Variants in PPP1R37 observed in about 807,000 individuals in gnomAD.
PPP1R37 encodes protein phosphatase 1 regulatory subunit 37.
Under a neutral mutation model 61.0 loss-of-function variants are expected in PPP1R37, and 21 were observed. The observed-to-expected ratio is 0.34, with a 90% confidence interval of 0.24 to 0.50. The LOEUF (loss-of-function observed/expected upper bound fraction) is 0.50, where lower values mean the gene tolerates loss of function less well. PPP1R37 is among the 20% of genes least tolerant of loss of function. The probability of loss-of-function intolerance (pLI) is 0.98; values close to 1 mark genes in which losing one functional copy is unlikely to be tolerated. For missense variants in PPP1R37, 910 were observed against 952.7 expected, an observed-to-expected ratio of 0.96 and a Z score of 0.59; for synonymous variants, 443 against 433.5, an observed-to-expected ratio of 1.02 and a Z score of -0.27.
At chr19:45,137,340 C>A (rs546307093) in intron 1 of PPP1R37, among the ~76,000 whole-genome samples, 1 of 152,240 alleles carries the variant, frequency 6.6e-6, no homozygotes, top group Non-Finnish European at 1.5e-5. Context: ...CTGAAACTCA[C>A]GCTCATTATG....
At chr19:45,128,699 T>TGCTTGGAAGACTGGCAAGCACA in intron 1 of PPP1R37, 2 of 1,059,392 alleles carry the variant, frequency 1.9e-6, no homozygotes, top group East Asian at 5.7e-5. Context: ...TTGAGATGTC[T>TGCTTGGAAGACTGGCAAGCACA]GCTTGGAAGA....
intron 4 of PPP1R37, 119 bp from the exon 5 acceptor site, chr19:45,141,203 G>A (rs1040604395): frequency 8.9e-5 from 102 of 1,143,976 alleles, no homozygotes; most frequent in African/African-American, 8.0e-4. Context: ...CTCCTCTCCC[G>A]TGTGGCTCTC....
chr19:45,145,787 GC>G lies in PPP1R37; in HGVS notation c.1734del (p.Glu579ArgfsTer59). 2 of 1,505,082 alleles carry G rather than the reference GC, an allele frequency of 1.3e-6. No individual in the cohort carries two copies. Among genetic ancestry groups the G allele is most frequent in the Non-Finnish European group, 1.8e-6 (2 of 1,130,654 alleles). The allele number at this position is 1,505,082 out of a possible 1,614,324, so 93.2% of individuals were successfully genotyped here. A position where few individuals can be genotyped will look rare whatever the true frequency, so the allele number is the denominator to read the frequency against. On this transcript the variant is annotated frameshift_variant, in exon 11 of 13. Transcript: ENST00000221462. LOFTEE classifies it high-confidence loss of function. ...TTGTGGTGACCCGGGTGGAGAGCCC[GC>G]CCGAGAGGGCAGAGCCCCCTGCGTC... is the stretch of plus-strand genomic sequence containing the variant. ...VFVVTRVESPPERAEPPASPT... is the reference protein window; with the variant it reads ...VFVVTRVESPXERAEPPASPT...
At chr19:45,125,202 C>T (rs1005474655) in intron 1 of PPP1R37, among the ~76,000 whole-genome samples, 3 of 152,204 alleles carry the variant, frequency 2.0e-5, no homozygotes, top group South Asian at 2.1e-4. Flanking sequence ...CAGTGGCTCA[C>T]GTCTGTAATC....
chr19:45,143,720 C>T (rs549530479), intron 8 of PPP1R37, 87 bp downstream of exon 8: 180 of 732,924 alleles, frequency 2.5e-4, no homozygotes, highest in African/African-American at 2.2e-3. Context: ...CTCTAGCTGA[C>T]GGCTCCTGTC....
At chr19:45,118,928 C>A (rs1288525157) in intron 1 of PPP1R37, among the ~76,000 whole-genome samples, 1 of 151,886 alleles carries the variant, frequency 6.6e-6, no homozygotes, top group Non-Finnish European at 1.5e-5. Flanking sequence ...CTCTGGGTTC[C>A]TTGTGGGCCA....
chr19:45,102,236 A>G (rs1968073529), intron 1 of PPP1R37, among the ~76,000 whole-genome samples: 1 of 152,246 alleles, frequency 6.6e-6, no homozygotes, highest in African/African-American at 2.4e-5. Context: ...GATCAGTCTT[A>G]TAAAATCCAG....
intron 1 of PPP1R37, among the ~76,000 whole-genome samples, chr19:45,133,940 G>A (rs778326899): frequency 5.1e-4 from 78 of 152,290 alleles, no homozygotes; most frequent in Admixed American, 1.3e-3. Flanking sequence ...GAAATGCCTC[G>A]GGTAGCATCT....
At chr19:45,125,028 C>T (rs1487539707) in intron 1 of PPP1R37, among the ~76,000 whole-genome samples, 5 of 152,040 alleles carry the variant, frequency 3.3e-5, no homozygotes, top group Admixed American at 2.0e-4. Flanking sequence ...CTCCTAAATT[C>T]GAAGCTTGGA....
chr19:45,110,925 G>T (rs1968191868), intron 1 of PPP1R37, among the ~76,000 whole-genome samples: 1 of 152,206 alleles, frequency 6.6e-6, no homozygotes, highest in Non-Finnish European at 1.5e-5. Flanking sequence ...GAAATAGCCT[G>T]CCTGGTTCTG....
Position 45,130,329 on chromosome 19 carries a change from C to T in PPP1R37, c.203-8185C>T, listed in dbSNP as rs1968460017. On this transcript the variant is annotated intron_variant, in intron 1 of 12. Coordinates refer to ENST00000221462, the MANE Select transcript of PPP1R37 (RefSeq NM_019121.2). The surrounding 1 kb of genome is among the most constrained non-coding windows in gnomAD (Gnocchi z 4.4). Reference sequence around the variant, plus strand: ...AATCCATCCTGTTGCTGCTCTGCCCCTCGCCCCCAGTGGCTCCGGTCTCCT... The same window carrying T: ...AATCCATCCTGTTGCTGCTCTGCCCTTCGCCCCCAGTGGCTCCGGTCTCCT... Among the ~76,000 whole-genome samples, 1 of 152,210 alleles carries T rather than the reference C, an allele frequency of 6.6e-6. No homozygotes were observed. Among genetic ancestry groups the T allele is most frequent in the Non-Finnish European group, 1.5e-5 (1 of 68,030 alleles).
chr19:45,113,989 CG>C (rs1968233227), intron 1 of PPP1R37, among the ~76,000 whole-genome samples: 1 of 152,184 alleles, frequency 6.6e-6, no homozygotes, highest in South Asian at 2.1e-4. Context: ...TCCACTCTCC[CG>C]GGGGCTGCTG....
intron 1 of PPP1R37, among the ~76,000 whole-genome samples, chr19:45,096,713 T>A (rs1290578314): frequency 2.0e-5 from 3 of 151,928 alleles, no homozygotes; most frequent in African/African-American, 7.3e-5. Flanking sequence ...GGTAACACTC[T>A]CCAGGCTGGG....
At position 45,094,724 on chromosome 19, in the gene PPP1R37, G is replaced by A. The variant is rs1300951417; in HGVS notation, c.202+1197G>A. On this transcript the variant is annotated intron_variant, in intron 1 of 12. Coordinates refer to ENST00000221462, the MANE Select transcript of PPP1R37 (RefSeq NM_019121.2). ...GCCTGGGTGACAAGAGCAAAACTCC[G>A]GCTCAAAGAAAAAAAAAAAAAGAAT... Among the ~76,000 whole-genome samples the A allele has an allele frequency of 4.0e-5, 6 of 150,556 alleles. No individual in the cohort carries two copies. In the East Asian group the frequency reaches 7.8e-4, roughly 20 times the overall value.
rs753398675 is a variant in PPP1R37 at position 45,093,378 on chromosome 19, T to C, written c.53T>C (p.Ile18Thr). ...CCCGTGCCGGGCGCGGACGGCGACA[T>C]TGAAGAGGCCCCAGCTGAGGCCGGG... ...APPVPGADGD[I>T]EEAPAEAGSP... is the part of the protein sequence containing the mutation. Residue 18 changes from isoleucine to threonine, a missense_variant, in exon 1 of 13, where the codon ATT (isoleucine) becomes ACT (threonine). By Grantham distance (89) the Ile-to-Thr change is moderately conservative (BLOSUM62 -1). Transcript: ENST00000221462. 3.9e-6 allele frequency: 6 copies of C among 1,521,914 alleles called. No homozygotes were observed. The highest frequency in any genetic ancestry group is 2.8e-5 in the African/African-American group (2 of 71,632). 94.3% of individuals were successfully genotyped at this position (1,521,914 alleles called of 1,614,324 possible).
At chr19:45,102,306 G>A (rs1162843369) in intron 1 of PPP1R37, among the ~76,000 whole-genome samples, 7 of 152,240 alleles carry the variant, frequency 4.6e-5, no homozygotes, top group Non-Finnish European at 7.3e-5. Flanking sequence ...TCTGGAGCCC[G>A]CAGCGGGCCT....
intron 1 of PPP1R37, among the ~76,000 whole-genome samples, chr19:45,113,231 A>AAAAAGTAG (rs1340825004): frequency 6.6e-6 from 1 of 152,220 alleles, no homozygotes; most frequent in Non-Finnish European, 1.5e-5. Flanking sequence ...ACCCTTAGAA[A>AAAAAGTAG]AAAAGTAGAA....
intron 1 of PPP1R37, among the ~76,000 whole-genome samples, chr19:45,111,825 A>G (rs969506773): frequency 2.6e-5 from 4 of 152,256 alleles, no homozygotes; most frequent in African/African-American, 7.2e-5. Flanking sequence ...TTCAATAAAA[A>G]GGGAAAGGGT....
rs963637844 is a variant in PPP1R37 at position 45,128,473 on chromosome 19, G to A, written c.203-10041G>A. 1.4e-4 allele frequency: 98 copies of A among 676,988 alleles called. 4 individuals carry two copies. The highest frequency in any genetic ancestry group is 8.5e-4 in the Admixed American group (33 of 38,806). 41.9% of individuals were successfully genotyped at this position (676,988 alleles called of 1,614,324 possible). A position where few individuals can be genotyped will look rare whatever the true frequency, so the allele number is the denominator to read the frequency against. Reference sequence around the variant, plus strand: ...GTCAAGGCAGGGTGGTAGAGGCAGCGGCAGCAGCAGGCCCAGAGGCAGCGG... The same window carrying A: ...GTCAAGGCAGGGTGGTAGAGGCAGCAGCAGCAGCAGGCCCAGAGGCAGCGG... On this transcript the variant is annotated intron_variant, in intron 1 of 12. Coordinates refer to ENST00000221462, the MANE Select transcript of PPP1R37 (RefSeq NM_019121.2).
Sources: gnomAD v4.1 joint callset for allele counts (sites outside exome capture counted in the v4.1 genomes callset) on GRCh38, gnomAD v4.1.1 for gene constraint, Gnocchi (gnomAD v3.1) non-coding constraint, MANE v1.5 for transcripts, NCBI Gene and HGNC (gene_info 2026-07-23, HGNC 2026-07-21) for gene names.